Variants in SCN11A observed in about 807,000 individuals in gnomAD.
SCN11A encodes sodium channel protein type 11 subunit alpha.
A neutral mutation model predicts 162.2 loss-of-function variants in SCN11A; 122 were observed. The ratio of observed to expected loss-of-function variants is 0.75; its 90% CI spans 0.65 to 0.87. The LOEUF (loss-of-function observed/expected upper bound fraction) is 0.87. SCN11A is among the 40% of genes least tolerant of loss of function. The pLI is 0.00. For missense variants in SCN11A, 2,015 were observed against 2,181.6 expected, an observed-to-expected ratio of 0.92 and a Z score of 1.52; for synonymous variants, 758 against 751.5, an observed-to-expected ratio of 1.01 and a Z score of -0.14.
intron 28 of SCN11A, among the ~76,000 whole-genome samples, chr3:38,857,988 C>G (rs1397378662): frequency 6.6e-6 from 1 of 151,812 alleles, no homozygotes. Context: ...GCAAGAAATG[C>G]AAAAAGGAGT....
At chr3:38,859,150 C>A (rs2064921738) in intron 28 of SCN11A, among the ~76,000 whole-genome samples, 1 of 151,810 alleles carries the variant, frequency 6.6e-6, no homozygotes, top group Non-Finnish European at 1.5e-5. Context: ...CAAATCCAAA[C>A]CCAGCAGAAG....
intron 11 of SCN11A, among the ~76,000 whole-genome samples, chr3:38,916,614 C>T (rs1364714004): frequency 6.6e-6 from 1 of 152,194 alleles, no homozygotes; most frequent in Non-Finnish European, 1.5e-5. Context: ...ATGGTTGGCT[C>T]TTGTCTCTGT....
intron 2 of SCN11A, among the ~76,000 whole-genome samples, chr3:38,994,669 G>C (rs1211140526): frequency 6.6e-6 from 1 of 152,196 alleles, no homozygotes; most frequent in Non-Finnish European, 1.5e-5. Context: ...AGTCTGCAGT[G>C]TCTGTGGATC....
intron 10 of SCN11A, among the ~76,000 whole-genome samples, chr3:38,920,861 T>C (rs1330952277): frequency 6.6e-6 from 1 of 152,034 alleles, no homozygotes; most frequent in Non-Finnish European, 1.5e-5. Flanking sequence ...ATTGCTCTTG[T>C]GGATGTGGTT....
chr3:38,939,803 TGA>T (rs2066412325), intron 7 of SCN11A, among the ~76,000 whole-genome samples: 1 of 151,750 alleles, frequency 6.6e-6, no homozygotes, highest in East Asian at 1.9e-4. Context: ...CTCTGGAGGC[TGA>T]GTCAGGAGAA....
intron 2 of SCN11A, among the ~76,000 whole-genome samples, chr3:39,023,086 T>TA (rs994112550): frequency 6.6e-6 from 1 of 152,168 alleles, no homozygotes; most frequent in Non-Finnish European, 1.5e-5. Flanking sequence ...AAGGAGTCCT[T>TA]ACATTTTAGA....
At chr3:39,010,853 C>A (rs34928550) in intron 2 of SCN11A, among the ~76,000 whole-genome samples, 21,530 of 151,988 alleles carry the variant, frequency 0.14, 1,766 homozygotes, top group African/African-American at 0.22. Context: ...GGGGGTGGAA[C>A]ATAAGAGAAT....
intron 11 of SCN11A, 87 bp downstream of exon 11, chr3:38,919,848 C>T: frequency 2.3e-6 from 2 of 884,182 alleles, no homozygotes; most frequent in Non-Finnish European, 3.8e-6. Context: ...TCACTGTGTC[C>T]ACCAGTCATT....
intron 2 of SCN11A, among the ~76,000 whole-genome samples, chr3:38,993,247 C>T (rs183508339): frequency 3.7e-4 from 57 of 152,266 alleles, no homozygotes; most frequent in Non-Finnish European, 7.1e-4. Context: ...CAACATACGC[C>T]AGACACTGGA....
intron 11 of SCN11A, among the ~76,000 whole-genome samples, chr3:38,914,799 G>C (rs1180322334): frequency 1.3e-5 from 2 of 152,100 alleles, no homozygotes; most frequent in Non-Finnish European, 2.9e-5. Context: ...TGCATATGTT[G>C]AACCAACCAT....
intron 17 of SCN11A, among the ~76,000 whole-genome samples, chr3:38,898,977 G>C (rs1434102544): frequency 6.6e-6 from 1 of 152,048 alleles, no homozygotes; most frequent in African/African-American, 2.4e-5. Flanking sequence ...TAAAACATTA[G>C]TAGGAAAGCT....
intron 27 of SCN11A, among the ~76,000 whole-genome samples, chr3:38,863,552 C>A (rs183617365): frequency 1.3e-5 from 2 of 151,972 alleles, no homozygotes; most frequent in African/African-American, 4.8e-5. Flanking sequence ...TACAAATCTT[C>A]GCAAATATAC....
intron 17 of SCN11A, among the ~76,000 whole-genome samples, chr3:38,899,071 T>A (rs1175607912): frequency 1.3e-5 from 2 of 151,972 alleles, no homozygotes; most frequent in Non-Finnish European, 2.9e-5. Flanking sequence ...GGTAACTGAA[T>A]GAGGTGTCTT....
At chr3:38,907,336 G>A (rs1272475373) in intron 14 of SCN11A, among the ~76,000 whole-genome samples, 56 of 10,166 alleles carry the variant, frequency 5.5e-3, no homozygotes, top group African/African-American at 7.4e-3. Context: ...GTGTGTGTGT[G>A]TGTGTGTATA....
At position 38,911,709 on chromosome 3, in the gene SCN11A, C is replaced by T. The variant is rs138659561; in HGVS notation, c.960-1502G>A. On this transcript the variant is annotated intron_variant, in intron 11 of 29. Transcript: ENST00000302328. ...CTTTTTCCTACTTTCGGGGCTATTT[C>T]GTCAACTTTATCTTTTAGTTCTAAT... Among the ~76,000 whole-genome samples, 110 of 152,180 alleles carry T rather than the reference C, an allele frequency of 7.2e-4. 3 individuals carry two copies. In the South Asian group the frequency reaches 0.022, roughly 30 times the overall value.
chr3:38,943,259 A>C (rs951074988), intron 7 of SCN11A, among the ~76,000 whole-genome samples: 1 of 152,204 alleles, frequency 6.6e-6, no homozygotes, highest in Non-Finnish European at 1.5e-5. Flanking sequence ...CGAAATTCTT[A>C]AAAAAGGCAA....
chr3:38,988,032 C>T (rs942190682), intron 2 of SCN11A, among the ~76,000 whole-genome samples: 10 of 141,932 alleles, frequency 7.0e-5, no homozygotes, highest in Non-Finnish European at 7.4e-5. Flanking sequence ...TAATTTGTGG[C>T]GCCCGGTGCA....
Position 38,940,825 on chromosome 3 carries a change from G to A in SCN11A, c.488+4586C>T, listed in dbSNP as rs145135462. On this transcript the variant is annotated intron_variant, in intron 7 of 29. Coordinates refer to ENST00000302328, the MANE Select transcript of SCN11A (RefSeq NM_001349253.2). ...GTTTGTTAAATTTAATAAAGGAAAA[G>A]AAAAAAATAATAAGCAAAATTAAGA... Among the ~76,000 whole-genome samples, 1,469 of 151,328 alleles carry A rather than the reference G, an allele frequency of 9.7e-3. 25 individuals are homozygous for A. The highest frequency in any genetic ancestry group is 0.034 in the African/African-American group (1,395 of 40,860).
intron 26 of SCN11A, among the ~76,000 whole-genome samples, chr3:38,868,517 C>T (rs902796215): frequency 2.0e-5 from 3 of 152,210 alleles, no homozygotes; most frequent in African/African-American, 7.2e-5. Flanking sequence ...TGTACTCCTT[C>T]ATGTCCCTCT....
Sources: allele counts gnomAD v4.1 joint callset (sites outside exome capture counted in the v4.1 genomes callset), GRCh38; gene constraint gnomAD v4.1.1; transcripts MANE v1.5; gene names NCBI Gene and HGNC (gene_info 2026-07-23, HGNC 2026-07-21).